The following IQCH variants were observed in gnomAD, a reference collection of about 807,000 sequenced individuals.
The protein encoded by IQCH is IQ motif containing H.
In IQCH, 98 loss-of-function variants were observed where a neutral mutation model predicts 117.0. The observed-to-expected ratio is 0.84, with a 90% CI of 0.71 to 0.99. The LOEUF is 0.99. Among genes scored for constraint, IQCH ranks in the 50% least tolerant of loss-of-function variants. The pLI is 0.00. For synonymous variants in IQCH, 412 were observed against 448.2 expected (o/e 0.92, Z 1.02); for missense variants, 1,102 against 1,243.8 (o/e 0.89, Z 1.72).
intron 4 of IQCH, among the ~76,000 whole-genome samples, chr15:67,300,208 A>C (rs1221528273): frequency 6.6e-6 from 1 of 152,134 alleles, no homozygotes; most frequent in Non-Finnish European, 1.5e-5. Context: ...GGAAGGGAGT[A>C]TTATTAAGAA....
chr15:67,378,239 A>G (rs1970804990), intron 10 of IQCH, among the ~76,000 whole-genome samples: 1 of 151,880 alleles, frequency 6.6e-6, no homozygotes, highest in South Asian at 2.1e-4. Flanking sequence ...CTCCACGCAC[A>G]CTGGCACCTT....
intron 4 of IQCH, chr15:67,306,875 A>G (rs2140548145): frequency 6.5e-7 from 1 of 1,526,920 alleles, no homozygotes. Flanking sequence ...GGTACTGTTC[A>G]TGTTCCCTCA....
At chr15:67,451,607 G>A (rs1368982226) in intron 16 of IQCH, among the ~76,000 whole-genome samples, 1 of 151,878 alleles carries the variant, frequency 6.6e-6, no homozygotes, top group African/African-American at 2.4e-5. Flanking sequence ...TATAATTTCT[G>A]TTATTTTACA....
intron 14 of IQCH, among the ~76,000 whole-genome samples, chr15:67,402,084 A>G (rs1971683650): frequency 6.6e-6 from 1 of 152,220 alleles, no homozygotes; most frequent in African/African-American, 2.4e-5. Flanking sequence ...ATTTGGCTGA[A>G]TTGTATTTAG....
In IQCH at chr15:67,408,662, A is replaced by G. The variant is rs1162699645; in HGVS notation, c.2098-8269A>G. On this transcript the variant is annotated intron_variant, in intron 14 of 20. Coordinates refer to ENST00000335894, the MANE Select transcript of IQCH (RefSeq NM_001031715.3). The surrounding 1 kb of genome is among the most constrained non-coding windows in gnomAD (Gnocchi z 4.2). ...TGATAGTCTCTCATTTCATTCCACA[A>G]ACTTACTCCTCTCCCCCACTACTTG... 2.6e-5 allele frequency among the ~76,000 whole-genome samples: 4 copies of G among 152,262 alleles called. No individual in the cohort carries two copies. In the East Asian group the frequency reaches 7.7e-4, roughly 29 times the overall value.
At position 67,321,422 on chromosome 15, in the gene IQCH, C is replaced by T. The variant is rs139038563; in HGVS notation, c.388-15553C>T. On this transcript the variant is annotated intron_variant, in intron 4 of 20. Coordinates refer to ENST00000335894, the MANE Select transcript of IQCH (RefSeq NM_001031715.3). ...TATGATCCCATGTATGCCTTTTCTTCCTTCCTTCCTTCTTTTCTTTTCTTT... is the reference window on the plus strand; with the variant it reads ...TATGATCCCATGTATGCCTTTTCTTTCTTCCTTCCTTCTTTTCTTTTCTTT... Among the ~76,000 whole-genome samples the T allele has an allele frequency of 7.2e-3, 1,098 of 151,796 alleles. 7 individuals carry two copies. Among genetic ancestry groups the T allele is most frequent in the Non-Finnish European group, 0.013 (865 of 67,878 alleles).
intron 15 of IQCH, among the ~76,000 whole-genome samples, chr15:67,418,027 T>C (rs2081620237): frequency 1.3e-5 from 2 of 152,170 alleles, no homozygotes; most frequent in African/African-American, 2.4e-5. Flanking sequence ...TGTTAACTTT[T>C]CAAAGCTTCC....
intron 4 of IQCH, among the ~76,000 whole-genome samples, chr15:67,318,001 A>G (rs964837271): frequency 6.6e-6 from 1 of 152,194 alleles, no homozygotes; most frequent in Non-Finnish European, 1.5e-5. Flanking sequence ...TTTAGGAAGC[A>G]AACATGAAGC....
rs149864654 is a variant in IQCH at position 67,419,193 on chromosome 15, C to T, written c.2219-2098C>T. Among the ~76,000 whole-genome samples, 7 of 152,270 alleles carry T rather than the reference C, an allele frequency of 4.6e-5. No homozygotes were observed. The East Asian group carries it at 1.3e-3, about 29-fold the overall frequency. ...TTTTCTTCATGAAGACACTGAAGCT[C>T]AGAGATTGGAGGGGACTTGGGGAAA... On this transcript the variant is annotated intron_variant, in intron 15 of 20. Coordinates refer to ENST00000335894, the MANE Select transcript of IQCH (RefSeq NM_001031715.3).
chr15:67,263,018 G>T, intron 2 of IQCH, 104 bp from the exon 3 acceptor site: 1 of 707,604 alleles, frequency 1.4e-6, no homozygotes. Flanking sequence ...GCATGTTGTG[G>T]TTTTGGCTTA....
Position 67,468,588 on chromosome 15 carries a change from A to G in IQCH, c.2676+3291A>G, listed in dbSNP as rs186650957. On this transcript the variant is annotated intron_variant, in intron 17 of 20. Coordinates refer to ENST00000335894, the MANE Select transcript of IQCH (RefSeq NM_001031715.3). The stretch of plus-strand genomic sequence containing the variant: ...TAAGCAACACATTAATAATTCAGAG[A>G]GCAGTTCATTATGCATGTGGATGCC... 1.1e-3 allele frequency among the ~76,000 whole-genome samples: 169 copies of G among 152,336 alleles called. 1 individual carries two copies. Among genetic ancestry groups the G allele is most frequent in the Non-Finnish European group, 2.1e-3 (140 of 68,032 alleles).
rs1228381454 is a variant in IQCH, at chr15:67,436,385, G to A, written c.2505+14808G>A. 6.6e-6 allele frequency among the ~76,000 whole-genome samples: 1 copy of A among 152,180 alleles called. No individual in the cohort carries two copies. Among genetic ancestry groups the A allele is most frequent in the East Asian group, 1.9e-4 (1 of 5,194 alleles). ...AATTTAGAGAGCCAAGGGAAATACA[G>A]GGGTAGAGGAAGAAGCAGAAAGGCC... On this transcript the variant is annotated intron_variant, in intron 16 of 20. Transcript: ENST00000335894. The surrounding 1 kb of genome is among the most constrained non-coding windows in gnomAD (Gnocchi z 5.1).
chr15:67,323,022 G>A (rs1968213770), intron 4 of IQCH, among the ~76,000 whole-genome samples: 1 of 152,092 alleles, frequency 6.6e-6, no homozygotes, highest in Non-Finnish European at 1.5e-5. Flanking sequence ...CACACCAAAT[G>A]GGAAGAAAGG....
At chr15:67,319,952 A>G (rs1968034440) in intron 4 of IQCH, among the ~76,000 whole-genome samples, 1 of 152,336 alleles carries the variant, frequency 6.6e-6, no homozygotes, top group Non-Finnish European at 1.5e-5. Context: ...AATGAGTTAA[A>G]TTTTTTTAAT....
At chr15:67,311,814 C>T (rs1967609873) in intron 4 of IQCH, among the ~76,000 whole-genome samples, 1 of 151,934 alleles carries the variant, frequency 6.6e-6, no homozygotes, top group Non-Finnish European at 1.5e-5. Context: ...CAAGTATTAC[C>T]TCTCCCATGG....
intron 6 of IQCH, among the ~76,000 whole-genome samples, chr15:67,353,151 A>G (rs931287591): frequency 2.0e-5 from 3 of 151,856 alleles, no homozygotes; most frequent in Non-Finnish European, 4.4e-5. Context: ...GTCTCAAAAA[A>G]AAAAATAAAG....
chr15:67,284,148 T>C (rs1966471610), intron 4 of IQCH, among the ~76,000 whole-genome samples: 1 of 152,126 alleles, frequency 6.6e-6, no homozygotes, highest in Non-Finnish European at 1.5e-5. Context: ...ATTCATTCTT[T>C]CTATTTTTTG....
Position 67,465,328 on chromosome 15 carries a change from G to C in IQCH, c.2676+31G>C, listed in dbSNP as rs747919756. ...CAAGAGGTGCTTCCTGAAGGTTCTC[G>C]GTGTTCAGCAACACCCACTGCCACT... On this transcript the variant is annotated intron_variant, in intron 17 of 20. Coordinates refer to ENST00000335894, the MANE Select transcript of IQCH (RefSeq NM_001031715.3). The surrounding 1 kb of genome is among the most constrained non-coding windows in gnomAD (Gnocchi z 5.9). The C allele has an allele frequency of 1.2e-6, 2 of 1,602,908 alleles. No individual in the cohort carries two copies. Among genetic ancestry groups the C allele is most frequent in the Non-Finnish European group, 1.7e-6 (2 of 1,177,930 alleles).
chr15:67,393,796 T>C lies in IQCH; in HGVS notation c.1633-1495T>C, dbSNP rs958942349. On this transcript the variant is annotated intron_variant, in intron 12 of 20. Coordinates refer to ENST00000335894, the MANE Select transcript of IQCH (RefSeq NM_001031715.3). The surrounding 1 kb of genome is among the most constrained non-coding windows in gnomAD (Gnocchi z 5.5). The stretch of plus-strand genomic sequence containing the variant: ...TCCCCTAAAGTACTGGGATTACAGG[T>C]ATGAGCCACGGTGCCTAGCCTGACT... Among the ~76,000 whole-genome samples the C allele has an allele frequency of 6.6e-6, 1 of 152,182 alleles. No homozygotes were observed. Among genetic ancestry groups the C allele is most frequent in the Non-Finnish European group, 1.5e-5 (1 of 68,028 alleles).
Sources: allele counts gnomAD v4.1 joint callset (sites outside exome capture counted in the v4.1 genomes callset), GRCh38; gene constraint gnomAD v4.1.1; non-coding constraint Gnocchi (gnomAD v3.1); transcripts MANE v1.5; gene names NCBI Gene and HGNC (gene_info 2026-07-23, HGNC 2026-07-21).